LRMDA: variants seen among roughly 807,000 people sequenced by gnomAD.
The protein encoded by LRMDA is leucine-rich melanocyte differentiation-associated protein.
LRMDA carries 18 observed loss-of-function variants against 29.8 expected under a neutral mutation model. The observed-to-expected ratio is 0.60, with a 90% CI of 0.42 to 0.90. The LOEUF (loss-of-function observed/expected upper bound fraction) is 0.90. LRMDA is among the 40% of genes least tolerant of loss of function. LRMDA has a pLI of 0.00. For missense variants in LRMDA, 273 were observed against 273.9 expected, an observed-to-expected ratio of 1.00 and a Z score of 0.02; for synonymous variants, 125 against 109.4, an observed-to-expected ratio of 1.14 and a Z score of -0.89.
chr10:75,505,687 A>G (rs1206330434), intron 2 of LRMDA, among the ~76,000 whole-genome samples: 1 of 151,942 alleles, frequency 6.6e-6, no homozygotes, highest in Non-Finnish European at 1.5e-5. Context: ...CCCTTCTTTC[A>G]TGTTTCCCTG....
At chr10:76,179,318 A>C (rs1322509341) in intron 5 of LRMDA, among the ~76,000 whole-genome samples, 1 of 151,920 alleles carries the variant, frequency 6.6e-6, no homozygotes, top group Non-Finnish European at 1.5e-5. Flanking sequence ...CTAGACCTGA[A>C]AGGAGCTTTT....
intron 2 of LRMDA, among the ~76,000 whole-genome samples, chr10:75,751,270 G>A (rs1052249651): frequency 1.3e-5 from 2 of 152,038 alleles, no homozygotes; most frequent in Non-Finnish European, 2.9e-5. Flanking sequence ...CGGCAGCACA[G>A]TCCAGCCTCG....
intron 6 of LRMDA, among the ~76,000 whole-genome samples, chr10:76,343,813 ATTT>A (rs5786231): frequency 3.9e-5 from 5 of 126,646 alleles, no homozygotes; most frequent in Admixed American, 8.2e-5. Flanking sequence ...TTTACAGGTG[ATTT>A]TTTTTTTTTT....
At chr10:75,489,919 T>C (rs1844963178) in intron 2 of LRMDA, among the ~76,000 whole-genome samples, 1 of 152,216 alleles carries the variant, frequency 6.6e-6, no homozygotes, top group South Asian at 2.1e-4. Context: ...TATCAGGTAC[T>C]GGCGCTCAAT....
chr10:75,848,546 C>T (rs541248588), intron 2 of LRMDA, among the ~76,000 whole-genome samples: 33 of 152,206 alleles, frequency 2.2e-4, no homozygotes, highest in African/African-American at 6.5e-4. Flanking sequence ...ATTGGGCACC[C>T]GGGACTAGTC....
At chr10:76,426,699 T>A (rs1253149811) in intron 6 of LRMDA, among the ~76,000 whole-genome samples, 5 of 152,212 alleles carry the variant, frequency 3.3e-5, no homozygotes, top group African/African-American at 1.2e-4. Context: ...CTGAATGGTA[T>A]TACCTGGGTT....
chr10:75,850,099 G>A (rs1161949734), intron 2 of LRMDA, among the ~76,000 whole-genome samples: 1 of 152,140 alleles, frequency 6.6e-6, no homozygotes, highest in Non-Finnish European at 1.5e-5. Flanking sequence ...TCATAACTCA[G>A]CATGGATAGT....
At chr10:75,587,282 T>G (rs775782071) in intron 2 of LRMDA, among the ~76,000 whole-genome samples, 5 of 152,200 alleles carry the variant, frequency 3.3e-5, no homozygotes, top group Admixed American at 1.3e-4. Context: ...GGTAGTGGGT[T>G]GAAAAGGATA....
At chr10:76,475,964 A>T (rs545540993) in intron 6 of LRMDA, among the ~76,000 whole-genome samples, 3 of 152,310 alleles carry the variant, frequency 2.0e-5, no homozygotes, top group South Asian at 4.1e-4. Context: ...TCTAAAAGTG[A>T]CACCCTAACA....
At position 75,753,861 on chromosome 10, in the gene LRMDA, C is replaced by T. The variant is rs868597636; in HGVS notation, c.132-282147C>T. 7.2e-5 allele frequency among the ~76,000 whole-genome samples: 11 copies of T among 151,988 alleles called. No homozygotes were observed. In the South Asian group the frequency reaches 1.0e-3, roughly 14 times the overall value. ...TGGTCATGGGATAGATGCGGTGCTA[C>T]GAACCAGGGAGCAGGCAGTAAAGAT... On this transcript the variant is annotated intron_variant, in intron 2 of 6. Coordinates refer to ENST00000611255, the MANE Select transcript of LRMDA (RefSeq NM_001305581.2).
chr10:76,474,779 A>G (rs1842650311), intron 6 of LRMDA, among the ~76,000 whole-genome samples: 2 of 151,692 alleles, frequency 1.3e-5, no homozygotes, highest in Non-Finnish European at 3.0e-5. Context: ...GAGACTGTAA[A>G]ATGATGAAGC....
intron 6 of LRMDA, among the ~76,000 whole-genome samples, chr10:76,481,301 T>G (rs1038986685): frequency 6.6e-6 from 1 of 151,952 alleles, no homozygotes; most frequent in Non-Finnish European, 1.5e-5. Flanking sequence ...CTCAGCCTTC[T>G]CCTTCTCAGG....
At chr10:76,019,605 A>G (rs1483580647) in intron 2 of LRMDA, among the ~76,000 whole-genome samples, 2 of 152,198 alleles carry the variant, frequency 1.3e-5, no homozygotes, top group Non-Finnish European at 2.9e-5. Context: ...GCAAAGTAAC[A>G]AGCAGAATAT....
intron 5 of LRMDA, among the ~76,000 whole-genome samples, chr10:76,299,599 C>CTTTTTTTTTTTTT (rs369236399): frequency 1.0e-5 from 1 of 97,856 alleles, no homozygotes; most frequent in Non-Finnish European, 2.1e-5. Context: ...ACCCCCCTTC[C>CTTTTTTTTTTTTT]TTTCTTTTTT....
At chr10:76,193,831 A>T (rs1851287553) in intron 5 of LRMDA, among the ~76,000 whole-genome samples, 1 of 152,180 alleles carries the variant, frequency 6.6e-6, no homozygotes, top group African/African-American at 2.4e-5. Context: ...AATGTGTATA[A>T]GGAGAGGCCT....
intron 2 of LRMDA, among the ~76,000 whole-genome samples, chr10:75,989,868 GGCA>G (rs1847335173): frequency 6.6e-6 from 1 of 152,058 alleles, no homozygotes; most frequent in Admixed American, 6.5e-5. Context: ...AGAATTCTAG[GGCA>G]GCTGCAGGTG....
chr10:75,471,219 G>A (rs750212599), intron 2 of LRMDA, among the ~76,000 whole-genome samples: 50 of 152,106 alleles, frequency 3.3e-4, no homozygotes, highest in East Asian at 9.6e-4. Flanking sequence ...CTGGCGGGGG[G>A]GTGGGGTGTG....
chr10:75,726,135 C>A (rs778710346), intron 2 of LRMDA, among the ~76,000 whole-genome samples: 3 of 152,136 alleles, frequency 2.0e-5, no homozygotes, highest in Non-Finnish European at 4.4e-5. Context: ...ATAAAAGATG[C>A]CCTGTATGTG....
chr10:76,483,530 C>T (rs572274603), intron 6 of LRMDA, among the ~76,000 whole-genome samples: 10 of 151,896 alleles, frequency 6.6e-5, no homozygotes, highest in East Asian at 5.9e-4. Flanking sequence ...GAATGATCTC[C>T]GGGGCTCCAG....
Sources: allele counts gnomAD v4.1 joint callset (sites outside exome capture counted in the v4.1 genomes callset), GRCh38; gene constraint gnomAD v4.1.1; transcripts MANE v1.5; gene names NCBI Gene and HGNC (gene_info 2026-07-23, HGNC 2026-07-21).